Variants in ILRUN observed in about 807,000 individuals in gnomAD.
ILRUN encodes the protein protein ILRUN.
Under a neutral mutation model 33.8 loss-of-function variants are expected in ILRUN, and 3 were observed. That is an observed-to-expected ratio of 0.09 (90% confidence interval 0.04 to 0.23). The LOEUF (loss-of-function observed/expected upper bound fraction) is 0.23, where lower values mean the gene tolerates loss of function less well. Ranked by LOEUF, ILRUN falls within the 10% of genes least tolerant of loss-of-function variation. The pLI is 1.00. For synonymous variants in ILRUN, 124 were observed against 138.9 expected (o/e 0.89, Z 0.75); for missense variants, 210 against 375.1 (o/e 0.56, Z 3.64).
intron 1 of ILRUN, 139 bp downstream of exon 1, chr6:34,696,307 G>A: frequency 1.1e-6 from 1 of 901,732 alleles, no homozygotes; most frequent in East Asian, 2.7e-5. Flanking sequence ...GGGGCTCCCC[G>A]ACTCGTCCTC....
At chr6:34,692,846 G>A (rs1341414838) in intron 1 of ILRUN, among the ~76,000 whole-genome samples, 1 of 152,048 alleles carries the variant, frequency 6.6e-6, no homozygotes, top group Non-Finnish European at 1.5e-5. Flanking sequence ...TGCCAACCTT[G>A]AATCTTGTTA....
intron 1 of ILRUN, among the ~76,000 whole-genome samples, chr6:34,667,435 G>A (rs1327109219): frequency 6.6e-6 from 1 of 152,040 alleles, no homozygotes; most frequent in African/African-American, 2.4e-5. Flanking sequence ...AATGAAGATG[G>A]AACAACAAAA....
intron 3 of ILRUN, among the ~76,000 whole-genome samples, chr6:34,636,671 AG>A: frequency 6.6e-6 from 1 of 152,374 alleles, no homozygotes; most frequent in South Asian, 2.1e-4. Context: ...ATCAGATAAA[AG>A]TTTAAAAGCC....
chr6:34,653,170 G>A lies in ILRUN; in HGVS notation c.313+1455C>T, dbSNP rs141263991. On this transcript the variant is annotated intron_variant, in intron 2 of 4. Transcript: ENST00000374023. ...AAAAAAAGAAAAAGAAAGAAAGAAAGAAAAAAAATTTAGACACATAGACAC... is the reference window on the plus strand; with the variant it reads ...AAAAAAAGAAAAAGAAAGAAAGAAAAAAAAAAAATTTAGACACATAGACAC... Among the ~76,000 whole-genome samples the A allele has an allele frequency of 1.6e-4, 23 of 141,406 alleles. No homozygotes were observed. The South Asian group carries it at 2.3e-3, about 14-fold the overall frequency. 92.8% of individuals were successfully genotyped at this position (141,406 alleles called of 152,430 possible). A position where few individuals can be genotyped will look rare whatever the true frequency, so the allele number is the denominator to read the frequency against.
chr6:34,625,229 T>G (rs1477920923), intron 3 of ILRUN, among the ~76,000 whole-genome samples: 1 of 152,190 alleles, frequency 6.6e-6, no homozygotes, highest in African/African-American at 2.4e-5. Flanking sequence ...TCTTCATTTC[T>G]TTGGTCTTAT....
chr6:34,678,421 C>T (rs1214172888), intron 1 of ILRUN, among the ~76,000 whole-genome samples: 1 of 152,102 alleles, frequency 6.6e-6, no homozygotes, highest in Non-Finnish European at 1.5e-5. Context: ...GGGTAAATTG[C>T]ATGTCACTGG....
At chr6:34,651,851 G>A (rs932004082) in intron 2 of ILRUN, among the ~76,000 whole-genome samples, 126 of 147,938 alleles carry the variant, frequency 8.5e-4, no homozygotes, top group African/African-American at 2.9e-3. Context: ...GGAGTGCAGC[G>A]GCGCGATCTT....
At chr6:34,673,017 G>C (rs1418230154) in intron 1 of ILRUN, among the ~76,000 whole-genome samples, 1 of 152,178 alleles carries the variant, frequency 6.6e-6, no homozygotes, top group East Asian at 1.9e-4. Flanking sequence ...CAAAGAATCA[G>C]AATATTTCAA....
At position 34,626,462 on chromosome 6, in the gene ILRUN, C is replaced by T. The variant is rs549146443; in HGVS notation, c.512-19558G>A. ...AAAGGGCTGGAATTACAGGCATGAGCCGCTTTGCCCGATCGTATTTTATTT... is the reference window on the plus strand; with the variant it reads ...AAAGGGCTGGAATTACAGGCATGAGTCGCTTTGCCCGATCGTATTTTATTT... On this transcript the variant is annotated intron_variant, in intron 3 of 4. Transcript: ENST00000374023. 5.9e-5 allele frequency among the ~76,000 whole-genome samples: 9 copies of T among 152,342 alleles called. No homozygotes were observed. In the South Asian group the frequency reaches 1.9e-3, roughly 32 times the overall value.
intron 3 of ILRUN, among the ~76,000 whole-genome samples, chr6:34,609,334 A>G (rs1562000473): frequency 6.6e-6 from 1 of 152,308 alleles, no homozygotes; most frequent in East Asian, 1.9e-4. Context: ...TACTAAAAAT[A>G]CAAAAATTAG....
At chr6:34,626,728 C>T (rs1016439395) in intron 3 of ILRUN, among the ~76,000 whole-genome samples, 7 of 152,214 alleles carry the variant, frequency 4.6e-5, no homozygotes, top group South Asian at 2.1e-4. Flanking sequence ...ATATATCAGG[C>T]GGGGTGTGAT....
At chr6:34,683,499 C>CATATATATATATACAT (rs1763445199) in intron 1 of ILRUN, among the ~76,000 whole-genome samples, 1 of 84,564 alleles carries the variant, frequency 1.2e-5, no homozygotes, top group East Asian at 4.4e-4. Context: ...TATATATATA[C>CATATATATATATACAT]ATATATATAT....
Position 34,589,506 on chromosome 6 carries a change from G to A in ILRUN, c.*1059C>T, listed in dbSNP as rs559734889. Reference sequence around the variant, plus strand: ...GCTGTGAAAATATCAGAGGACAACTGAAGAGAAACAGGGAAAGGTGTTGTG... The same window carrying A: ...GCTGTGAAAATATCAGAGGACAACTAAAGAGAAACAGGGAAAGGTGTTGTG... On this transcript the variant is annotated 3_prime_UTR_variant, in exon 5 of 5. Coordinates refer to ENST00000374023, the MANE Select transcript of ILRUN (RefSeq NM_024294.4). The A allele has an allele frequency of 6.6e-6, 1 of 152,396 alleles. No homozygotes were observed. Among genetic ancestry groups the A allele is most frequent in the East Asian group, 1.9e-4 (1 of 5,192 alleles). The allele number at this position is 152,396 out of a possible 1,614,324, so 9.4% of individuals were successfully genotyped here.
intron 1 of ILRUN, among the ~76,000 whole-genome samples, chr6:34,666,469 G>A (rs780245473): frequency 4.1e-4 from 62 of 152,208 alleles, no homozygotes; most frequent in Admixed American, 1.7e-3. Context: ...GCTGCGGCAG[G>A]AGAATCGCTT....
At chr6:34,655,728 CAG>C (rs1210051775) in intron 1 of ILRUN, among the ~76,000 whole-genome samples, 2 of 151,982 alleles carry the variant, frequency 1.3e-5, no homozygotes. Context: ...ACTGCTGTGC[CAG>C]AGTTTGTGGT....
At chr6:34,669,732 A>G (rs945255389) in intron 1 of ILRUN, among the ~76,000 whole-genome samples, 1 of 152,210 alleles carries the variant, frequency 6.6e-6, no homozygotes, top group African/African-American at 2.4e-5. Flanking sequence ...TAATTAACAT[A>G]ACATAAATAA....
chr6:34,620,477 G>A (rs1285227498), intron 3 of ILRUN, among the ~76,000 whole-genome samples: 2 of 152,188 alleles, frequency 1.3e-5, no homozygotes, highest in Non-Finnish European at 2.9e-5. Context: ...CTATAACAAT[G>A]ACAGCAAATT....
intron 4 of ILRUN, among the ~76,000 whole-genome samples, chr6:34,602,687 C>A (rs1761534769): frequency 6.6e-6 from 1 of 152,242 alleles, no homozygotes; most frequent in African/African-American, 2.4e-5. Flanking sequence ...TCAGCCACAA[C>A]TGAGCTGACA....
chr6:34,596,968 C>T (rs1315370138), intron 4 of ILRUN, among the ~76,000 whole-genome samples: 1 of 152,030 alleles, frequency 6.6e-6, no homozygotes, highest in Non-Finnish European at 1.5e-5. Flanking sequence ...CATCATTCAT[C>T]CCTCCATCCT....
Sources: gnomAD v4.1 joint callset for allele counts (sites outside exome capture counted in the v4.1 genomes callset) on GRCh38, gnomAD v4.1.1 for gene constraint, MANE v1.5 for transcripts, NCBI Gene and HGNC (gene_info 2026-07-23, HGNC 2026-07-21) for gene names.